The following FBXL2 variants were observed in gnomAD, a reference collection of about 807,000 sequenced individuals.
FBXL2 encodes the protein F-box/LRR-repeat protein 2.
Under a neutral mutation model 69.2 loss-of-function variants are expected in FBXL2, and 38 were observed. That is an observed-to-expected ratio of 0.55 (90% confidence interval 0.42 to 0.72). The LOEUF is 0.72. Ranked by LOEUF, FBXL2 falls within the 30% of genes least tolerant of loss-of-function variation. The pLI, the probability that FBXL2 is intolerant of heterozygous loss-of-function variation, is 0.00. For synonymous variants in FBXL2, 192 were observed against 201.3 expected (o/e 0.95, Z 0.39); for missense variants, 354 against 520.3 (o/e 0.68, Z 3.11).
chr3:33,286,579 A>AT (rs1469028265), intron 1 of FBXL2, among the ~76,000 whole-genome samples: 1 of 152,228 alleles, frequency 6.6e-6, no homozygotes, highest in Non-Finnish European at 1.5e-5. Context: ...AGACAGGGAC[A>AT]TTTAAGTCTG....
intron 5 of FBXL2, among the ~76,000 whole-genome samples, chr3:33,365,215 G>A (rs2041873439): frequency 6.6e-6 from 1 of 151,426 alleles, no homozygotes; most frequent in African/African-American, 2.4e-5. Flanking sequence ...TTTTATTACA[G>A]TTAGCAATAT....
downstream of FBXL2, chr3:33,408,614 G>T: frequency 8.2e-7 from 1 of 1,213,878 alleles, no homozygotes; most frequent in Non-Finnish European, 1.1e-6. Flanking sequence ...GCTTTACTTT[G>T]CGGTGGAAGT....
intron 1 of FBXL2, among the ~76,000 whole-genome samples, chr3:33,282,967 T>C (rs2034198297): frequency 6.6e-6 from 1 of 152,224 alleles, no homozygotes; most frequent in South Asian, 2.1e-4. Context: ...TGGGGTTTTC[T>C]AAATATACAA....
At chr3:33,417,785 G>A in the FBXL2 span, among the ~76,000 whole-genome samples, 12 of 152,170 alleles carry the variant, frequency 7.9e-5, no homozygotes, top group East Asian at 2.3e-3. Context: ...AATATCACAT[G>A]AAGTTGAGAA....
At chr3:33,381,830 C>CATAA (rs2043086771) in intron 13 of FBXL2, among the ~76,000 whole-genome samples, 1 of 152,154 alleles carries the variant, frequency 6.6e-6, no homozygotes, top group East Asian at 1.9e-4. Flanking sequence ...GCATTGATTA[C>CATAA]ATAAATACTA....
intron 1 of FBXL2, among the ~76,000 whole-genome samples, chr3:33,292,387 A>T (rs1464687579): frequency 6.6e-6 from 1 of 152,148 alleles, no homozygotes; most frequent in Non-Finnish European, 1.5e-5. Context: ...TCAAACAAAC[A>T]AACAAAACAA....
chr3:33,308,830 C>T (rs1320569051), intron 2 of FBXL2, among the ~76,000 whole-genome samples: 2 of 152,062 alleles, frequency 1.3e-5, no homozygotes, highest in African/African-American at 4.8e-5. Context: ...TGATAGTTTC[C>T]TCTTAATTTC....
At chr3:33,303,729 T>C (rs575744037) in intron 2 of FBXL2, among the ~76,000 whole-genome samples, 3 of 152,076 alleles carry the variant, frequency 2.0e-5, no homozygotes, top group Non-Finnish European at 1.5e-5. Context: ...TAATTAGATA[T>C]ACATTATAAG....
chr3:33,322,872 A>T (rs971559027), intron 2 of FBXL2, among the ~76,000 whole-genome samples: 1 of 152,138 alleles, frequency 6.6e-6, no homozygotes. Context: ...GAAGTCTACT[A>T]TGTTTTATTC....
At chr3:33,377,396 T>C in intron 11 of FBXL2, 63 bp downstream of exon 11, 1 of 1,549,690 alleles carries the variant, frequency 6.5e-7, no homozygotes, top group Non-Finnish European at 8.9e-7. Flanking sequence ...CAAAGTGACT[T>C]GGAGTGGTTT....
At chr3:33,390,371 G>A, downstream of FBXL2, 1 of 1,613,920 alleles carries the variant, frequency 6.2e-7, no homozygotes, top group Non-Finnish European at 8.5e-7. Flanking sequence ...ACTTTCAGCT[G>A]CAGAAAAAGG....
the FBXL2 span, chr3:33,411,629 C>G: frequency 2.5e-6 from 4 of 1,614,112 alleles, no homozygotes; most frequent in Non-Finnish European, 3.4e-6. Flanking sequence ...GAAATTCAAC[C>G]GCATTTAACT....
the FBXL2 span, among the ~76,000 whole-genome samples, chr3:33,414,608 GA>G: frequency 6.6e-6 from 1 of 152,126 alleles, no homozygotes; most frequent in Non-Finnish European, 1.5e-5. Flanking sequence ...TAAAACTCTA[GA>G]AATTTGAAGC....
chr3:33,419,285 A>T, the FBXL2 span, among the ~76,000 whole-genome samples: 10 of 152,070 alleles, frequency 6.6e-5, no homozygotes, highest in Non-Finnish European at 1.5e-4. Flanking sequence ...ACTTGAGGTC[A>T]GGAGTTCAAG....
intron 5 of FBXL2, among the ~76,000 whole-genome samples, chr3:33,371,704 A>G (rs993609869): frequency 1.3e-5 from 2 of 152,098 alleles, no homozygotes; most frequent in Admixed American, 1.3e-4. Context: ...TTTTTGTTCA[A>G]TGCCAGACAT....
At chr3:33,390,568 T>G (rs1210231874), downstream of FBXL2, 2 of 611,666 alleles carry the variant, frequency 3.3e-6, no homozygotes, top group African/African-American at 3.7e-5. Flanking sequence ...TTTTTAGACA[T>G]TCTGCGAAGC....
chr3:33,395,681 A>AT (rs2043950953), intron 12 of FBXL2, among the ~76,000 whole-genome samples: 1 of 140,430 alleles, frequency 7.1e-6, no homozygotes, highest in Admixed American at 7.5e-5. Flanking sequence ...ACTTAGGACT[A>AT]TTACATGCAG....
At chr3:33,277,783 G>A (rs2033468045) in intron 1 of FBXL2, among the ~76,000 whole-genome samples, 1 of 152,144 alleles carries the variant, frequency 6.6e-6, no homozygotes, top group Non-Finnish European at 1.5e-5. Context: ...CCCCCACCCA[G>A]TGGGCCGCCG....
exon 13 of FBXL2, chr3:33,403,426 A>C (rs2044304550): frequency 5.8e-6 from 1 of 172,548 alleles, no homozygotes; most frequent in Non-Finnish European, 1.2e-5. Flanking sequence ...AATAATCCTC[A>C]AGACAGACCA....
Sources: allele counts gnomAD v4.1 joint callset (sites outside exome capture counted in the v4.1 genomes callset), GRCh38; gene constraint gnomAD v4.1.1; transcripts MANE v1.5; gene names NCBI Gene and HGNC (gene_info 2026-07-23, HGNC 2026-07-21).